The following COL28A1 variants were observed in gnomAD, a reference collection of about 807,000 sequenced individuals.
COL28A1 encodes collagen type XXVIII alpha 1 chain.
COL28A1 carries 161 observed loss-of-function variants against 150.2 expected under a neutral mutation model. The observed-to-expected ratio is 1.07, with a 90% CI of 0.94 to 1.22. The LOEUF is 1.22. Ranked by LOEUF, COL28A1 falls within the 50% of genes most tolerant of loss-of-function variation. The probability of loss-of-function intolerance (pLI) is 0.00; values close to 1 mark genes in which losing one functional copy is unlikely to be tolerated. For synonymous variants in COL28A1, 552 were observed against 469.7 expected, an observed-to-expected ratio of 1.18 and a Z score of -2.26; for missense variants, 1,617 against 1,388.3, an observed-to-expected ratio of 1.16 and a Z score of -2.62.
chr7:7,472,687 A>G (rs1361848582), intron 15 of COL28A1, among the ~76,000 whole-genome samples: 1 of 152,198 alleles, frequency 6.6e-6, no homozygotes. Context: ...TGAAATTCAT[A>G]TGCAACCAAA....
chr7:7,380,914 G>T, intron 28 of COL28A1, 52 bp from the exon 29 acceptor site: 2 of 1,493,020 alleles, frequency 1.3e-6, no homozygotes, highest in East Asian at 2.3e-5. Flanking sequence ...CTAAAAGCCA[G>T]ATAAGAAAAG....
At chr7:7,512,549 AAGG>A (rs898905809) in intron 8 of COL28A1, among the ~76,000 whole-genome samples, 3 of 152,194 alleles carry the variant, frequency 2.0e-5, no homozygotes, top group Non-Finnish European at 2.9e-5. Flanking sequence ...CCTCAAGTAG[AAGG>A]AGAATTGGGA....
chr7:7,539,763 T>G (rs1329140276), upstream of COL28A1, among the ~76,000 whole-genome samples: 1 of 152,176 alleles, frequency 6.6e-6, no homozygotes, highest in Non-Finnish European at 1.5e-5. Flanking sequence ...TTTTCAATTG[T>G]TACTATTATT....
chr7:7,511,834 C>G, intron 8 of COL28A1: 1 of 469,442 alleles, frequency 2.1e-6, no homozygotes, highest in South Asian at 1.6e-5. Context: ...CCTGTCTTCC[C>G]TAGAATATTG....
chr7:7,491,452 G>A (rs915877817), intron 11 of COL28A1, among the ~76,000 whole-genome samples: 3 of 152,190 alleles, frequency 2.0e-5, no homozygotes, highest in African/African-American at 7.2e-5. Flanking sequence ...TACCCTCAAT[G>A]AGCAACTGAT....
downstream of COL28A1, among the ~76,000 whole-genome samples, chr7:7,355,227 G>A (rs1780319854): frequency 6.6e-6 from 1 of 152,074 alleles, no homozygotes; most frequent in African/African-American, 2.4e-5. Context: ...ATCCAATAAA[G>A]AAAATCTTTC....
chr7:7,345,864 C>G, the COL28A1 span, among the ~76,000 whole-genome samples: 3,169 of 152,092 alleles, frequency 0.021, 139 homozygotes, highest in African/African-American at 0.073. Context: ...CATATTCACC[C>G]TGCTTGAGAT....
At chr7:7,347,594 T>C in the COL28A1 span, among the ~76,000 whole-genome samples, 101,661 of 151,952 alleles carry the variant, frequency 0.67, 35,584 homozygotes, top group East Asian at 0.87. Flanking sequence ...TGTTAGTAAA[T>C]ACCACTGGAG....
chr7:7,514,834 G>A (rs929655973), intron 8 of COL28A1, among the ~76,000 whole-genome samples: 8 of 152,042 alleles, frequency 5.3e-5, no homozygotes, highest in African/African-American at 1.4e-4. Context: ...AACAAAGCCC[G>A]CTACATGACC....
At chr7:7,420,885 A>C (rs536360544) in intron 25 of COL28A1, among the ~76,000 whole-genome samples, 1 of 152,328 alleles carries the variant, frequency 6.6e-6, no homozygotes, top group South Asian at 2.1e-4. Context: ...GATGTAGAAA[A>C]ACAGGAACCC....
chr7:7,393,452 C>T (rs1048194849), intron 27 of COL28A1, among the ~76,000 whole-genome samples: 1 of 152,228 alleles, frequency 6.6e-6, no homozygotes, highest in African/African-American at 2.4e-5. Flanking sequence ...CTTGAGGAGG[C>T]AGTCTGACCC....
intron 15 of COL28A1, among the ~76,000 whole-genome samples, chr7:7,463,999 CA>C (rs1273357104): frequency 2.0e-5 from 3 of 152,096 alleles, no homozygotes; most frequent in African/African-American, 7.2e-5. Flanking sequence ...CAAAAGCAAC[CA>C]GGGGTAGCCA....
At chr7:7,475,429 G>C (rs1040294535) in intron 14 of COL28A1, among the ~76,000 whole-genome samples, 3 of 152,148 alleles carry the variant, frequency 2.0e-5, no homozygotes, top group Admixed American at 6.5e-5. Context: ...GGGTTCTTCT[G>C]ATCATTACCA....
intron 8 of COL28A1, 54 bp downstream of exon 8, chr7:7,515,760 T>A (rs1781381015): frequency 3.6e-6 from 3 of 837,948 alleles, no homozygotes; most frequent in Non-Finnish European, 6.3e-6. Flanking sequence ...TACACTTATG[T>A]TTCTGTTTTT....
chr7:7,495,098 C>T lies in COL28A1; in HGVS notation c.1027-4452G>A. ...CGAGCCACATTTGTAATTTTAAATT[C>T]TCTACTAGCCACATTAAGAAATAAA... On this transcript the variant is annotated intron_variant, in intron 11 of 34. Coordinates refer to ENST00000399429, the MANE Select transcript of COL28A1 (RefSeq NM_001037763.3). Among the ~76,000 whole-genome samples, 2 of 152,066 alleles carry T rather than the reference C, an allele frequency of 1.3e-5. 1 individual carries two copies. Among genetic ancestry groups the T allele is most frequent in the South Asian group, 4.1e-4 (2 of 4,820 alleles).
At chr7:7,436,854 A>G (rs575342246) in intron 22 of COL28A1, among the ~76,000 whole-genome samples, 115 of 152,324 alleles carry the variant, frequency 7.5e-4, no homozygotes, top group Middle Eastern at 3.4e-3. Flanking sequence ...AGCCCGGCCA[A>G]CATGGCAAAA....
chr7:7,537,812 G>C (rs902282350), upstream of COL28A1, among the ~76,000 whole-genome samples: 1 of 152,074 alleles, frequency 6.6e-6, no homozygotes, highest in South Asian at 2.1e-4. Context: ...TAGCCTATGG[G>C]TGTTAGTCAC....
chr7:7,362,623 T>C (rs1780728455), intron 33 of COL28A1, among the ~76,000 whole-genome samples: 1 of 150,840 alleles, frequency 6.6e-6, no homozygotes, highest in Admixed American at 6.6e-5. Context: ...ATTTTTCCAT[T>C]TGGATTGGTC....
chr7:7,442,000 G>C (rs1195814607), intron 20 of COL28A1, among the ~76,000 whole-genome samples: 2 of 152,024 alleles, frequency 1.3e-5, no homozygotes, highest in African/African-American at 4.8e-5. Context: ...CACTAATTTA[G>C]GTTATTGACC....
Sources: gnomAD v4.1 joint callset for allele counts (sites outside exome capture counted in the v4.1 genomes callset) on GRCh38, gnomAD v4.1.1 for gene constraint, MANE v1.5 for transcripts, NCBI Gene and HGNC (gene_info 2026-07-23, HGNC 2026-07-21) for gene names.